The following LAMA1 variants were observed in gnomAD, a reference collection of about 807,000 sequenced individuals.
LAMA1 encodes laminin subunit alpha 1.
In LAMA1, 219 loss-of-function variants were observed where a neutral mutation model predicts 348.7. The ratio of observed to expected loss-of-function variants is 0.63; its 90% CI spans 0.56 to 0.70. The LOEUF (loss-of-function observed/expected upper bound fraction) is 0.70. Ranked by LOEUF, LAMA1 falls within the 30% of genes least tolerant of loss-of-function variation. The pLI, the probability that LAMA1 is intolerant of heterozygous loss-of-function variation, is 0.00. For synonymous variants in LAMA1, 1,487 were observed against 1,491.0 expected (o/e 1.00, Z 0.06); for missense variants, 3,744 against 3,888.0 (o/e 0.96, Z 0.99).
chr18:7,044,691 G>C (rs1436949233), intron 7 of LAMA1, 31 bp downstream of exon 7: 2 of 1,535,056 alleles, frequency 1.3e-6, no homozygotes, highest in East Asian at 2.2e-5. Context: ...GAGGAAAACT[G>C]TACTGACCTT....
At position 6,996,438 on chromosome 18, in the gene LAMA1, T is replaced by TA; in HGVS notation, c.4807-993dup. Reference sequence around the variant, plus strand: ...ATAGATTATGTCAAATTCTAACGCATATATAAAGCAAAATTTAAGAATCAC... The same window carrying TA: ...ATAGATTATGTCAAATTCTAACGCATAATATAAAGCAAAATTTAAGAATCAC... On this transcript the variant is annotated intron_variant, in intron 33 of 62. Coordinates refer to ENST00000389658, the MANE Select transcript of LAMA1 (RefSeq NM_005559.4). Among the ~76,000 whole-genome samples the TA allele has an allele frequency of 3.3e-5, 5 of 152,296 alleles. 1 individual carries two copies. The Middle Eastern group carries it at 0.017, about 518-fold the overall frequency.
At chr18:7,068,012 C>T (rs1487592496) in intron 3 of LAMA1, among the ~76,000 whole-genome samples, 1 of 152,154 alleles carries the variant, frequency 6.6e-6, no homozygotes, top group Non-Finnish European at 1.5e-5. Context: ...CACCACCATG[C>T]CTGGCTAATT....
At chr18:7,037,416 G>A (rs912834195) in intron 12 of LAMA1, among the ~76,000 whole-genome samples, 162 bp downstream of exon 12, 2 of 152,190 alleles carry the variant, frequency 1.3e-5, no homozygotes, top group Admixed American at 1.3e-4. Context: ...AACAAGGCTA[G>A]AAAACCTTCT....
intron 41 of LAMA1, among the ~76,000 whole-genome samples, chr18:6,980,922 G>A (rs1325268148): frequency 2.0e-5 from 3 of 151,890 alleles, no homozygotes; most frequent in African/African-American, 7.3e-5. Context: ...GTGAAACCCC[G>A]TCTCTACTAA....
intron 16 of LAMA1, 149 bp downstream of exon 16, chr18:7,031,917 G>T (rs914307001): frequency 5.4e-5 from 29 of 532,200 alleles, no homozygotes; most frequent in Admixed American, 4.5e-4. Flanking sequence ...AACATTTCAT[G>T]ACATGAGCTT....
intron 16 of LAMA1, among the ~76,000 whole-genome samples, chr18:7,031,455 A>T (rs2144159445): frequency 6.6e-6 from 1 of 152,304 alleles, no homozygotes; most frequent in Admixed American, 6.5e-5. Context: ...TATCCCAACT[A>T]ACTATAAAGC....
At chr18:6,945,012 C>T (rs140997421) in intron 61 of LAMA1, among the ~76,000 whole-genome samples, 2,455 of 152,136 alleles carry the variant, frequency 0.016, 60 homozygotes, top group African/African-American at 0.056. Flanking sequence ...ACATTGTTTG[C>T]AGCAATTACA....
intron 57 of LAMA1, chr18:6,954,965 T>C (rs1043184453): frequency 6.1e-6 from 2 of 327,320 alleles, no homozygotes; most frequent in Non-Finnish European, 1.2e-5. Context: ...GCACTCGGGA[T>C]TTTGGCCACC....
At chr18:6,944,104 C>T (rs2057512195) in intron 61 of LAMA1, among the ~76,000 whole-genome samples, 2 of 152,106 alleles carry the variant, frequency 1.3e-5, no homozygotes, top group Admixed American at 6.5e-5. Context: ...CAAACTCCAC[C>T]TCCTGGGTTC....
intron 32 of LAMA1, among the ~76,000 whole-genome samples, chr18:6,998,747 G>A (rs759399307): frequency 1.3e-5 from 2 of 152,146 alleles, no homozygotes; most frequent in Non-Finnish European, 2.9e-5. Flanking sequence ...AAAAGCCCAC[G>A]ACAGGCCGGG....
At chr18:7,006,092 G>A (rs2057830539) in intron 29 of LAMA1, among the ~76,000 whole-genome samples, 1 of 152,166 alleles carries the variant, frequency 6.6e-6, no homozygotes, top group African/African-American at 2.4e-5. Context: ...AGTAATCAAT[G>A]TTTCCACCTG....
chr18:7,085,158 C>T, intron 1 of LAMA1, among the ~76,000 whole-genome samples: 1 of 151,926 alleles, frequency 6.6e-6, no homozygotes, highest in East Asian at 1.9e-4. Context: ...GGCAATATTT[C>T]CAGATCATTT....
At chr18:7,035,469 T>A (rs1321636438) in intron 13 of LAMA1, among the ~76,000 whole-genome samples, 1 of 152,002 alleles carries the variant, frequency 6.6e-6, no homozygotes, top group African/African-American at 2.4e-5. Context: ...GTCACCCAGG[T>A]TGGAGTGCAG....
Position 7,085,413 on chromosome 18 carries a change from CTTTTTTTTTTTT to C in LAMA1, c.62-4968_62-4957del, listed in dbSNP as rs36122063. On this transcript the variant is annotated intron_variant, in intron 1 of 62. Transcript: ENST00000389658. ...TTACTCTTTTTTTCTTCTTCTTCTT[CTTTTTTTTTTTT>C]TTTTTTTTTTGAGACAAGAGTCTTG... is the stretch of plus-strand genomic sequence containing the variant. Among the ~76,000 whole-genome samples, 143 of 85,280 alleles carry C rather than the reference CTTTTTTTTTTTT, an allele frequency of 1.7e-3. 1 individual carries two copies. The highest frequency in any genetic ancestry group is 2.4e-3 in the Non-Finnish European group (121 of 49,428). The allele number at this position is 85,280 out of a possible 152,430, so 55.9% of individuals were successfully genotyped here. A position where few individuals can be genotyped will look rare whatever the true frequency, so the allele number is the denominator to read the frequency against.
intron 1 of LAMA1, among the ~76,000 whole-genome samples, chr18:7,098,040 G>C (rs1264103961): frequency 6.6e-6 from 1 of 150,418 alleles, no homozygotes; most frequent in South Asian, 2.1e-4. Context: ...TGGTGGAGAC[G>C]GGGTTTCGCT....
At chr18:7,082,397 T>G (rs886567348) in intron 1 of LAMA1, among the ~76,000 whole-genome samples, 4 of 152,206 alleles carry the variant, frequency 2.6e-5, no homozygotes, top group African/African-American at 9.7e-5. Flanking sequence ...AAAAAATGCT[T>G]TATGCGGAAC....
At chr18:7,084,499 T>G (rs1481975229) in intron 1 of LAMA1, among the ~76,000 whole-genome samples, 1 of 152,210 alleles carries the variant, frequency 6.6e-6, no homozygotes, top group Non-Finnish European at 1.5e-5. Flanking sequence ...GTTATTCACT[T>G]CAGTTACTGT....
chr18:7,110,153 C>A (rs1464441050), intron 1 of LAMA1, among the ~76,000 whole-genome samples: 1 of 151,724 alleles, frequency 6.6e-6, no homozygotes, highest in Non-Finnish European at 1.5e-5. Context: ...TGCACTCCAG[C>A]CTGGGTGACA....
chr18:7,049,213 A>C lies in LAMA1; in HGVS notation c.633T>G (p.Leu211=). 1 of 1,614,186 alleles carries C rather than the reference A, an allele frequency of 6.2e-7. No individual in the cohort carries two copies. Among genetic ancestry groups the C allele is most frequent in the Non-Finnish European group, 8.5e-7 (1 of 1,180,034 alleles). The part of the protein sequence containing the change: ...LINGRPSADD[L]SPKLLEFTSA... Reference sequence around the variant, plus strand: ...AAGTGAATTCCAACAACTTGGGTGAAAGATCGTCAGCGCTTGGTCTGCCAT... The same window carrying C: ...AAGTGAATTCCAACAACTTGGGTGACAGATCGTCAGCGCTTGGTCTGCCAT... The change falls in exon 5 of 63, where the codon CTT becomes CTG. Residue 211 remains leucine, a synonymous_variant. Transcript: ENST00000389658.
Sources: allele counts gnomAD v4.1 joint callset (sites outside exome capture counted in the v4.1 genomes callset), GRCh38; gene constraint gnomAD v4.1.1; transcripts MANE v1.5; gene names NCBI Gene and HGNC (gene_info 2026-07-23, HGNC 2026-07-21).